RPRD1A: variants seen among roughly 807,000 people sequenced by gnomAD.
RPRD1A encodes regulation of nuclear pre-mRNA domain-containing protein 1A.
A neutral mutation model predicts 37.8 loss-of-function variants in RPRD1A; 9 were observed. That is an observed-to-expected ratio of 0.24 (90% confidence interval 0.14 to 0.42). The LOEUF (loss-of-function observed/expected upper bound fraction) is 0.42, where lower values mean the gene tolerates loss of function less well. Among genes scored for constraint, RPRD1A ranks in the 10% least tolerant of loss-of-function variants. RPRD1A has a pLI of 1.00. For synonymous variants in RPRD1A, 138 were observed against 139.7 expected, an observed-to-expected ratio of 0.99 and a Z score of 0.08; for missense variants, 255 against 371.0, an observed-to-expected ratio of 0.69 and a Z score of 2.57.
intron 1 of RPRD1A, among the ~76,000 whole-genome samples, chr18:36,056,265 A>G (rs1332200258): frequency 2.6e-5 from 4 of 151,936 alleles, no homozygotes; most frequent in African/African-American, 9.7e-5. Context: ...AACCCATATA[A>G]CATTCTTTAC....
At chr18:36,052,346 T>C (rs146122685) in intron 1 of RPRD1A, among the ~76,000 whole-genome samples, 1 of 151,988 alleles carries the variant, frequency 6.6e-6, no homozygotes, top group East Asian at 1.9e-4. Flanking sequence ...AGATAGTAAC[T>C]AGAAGCCATA....
At chr18:36,031,625 A>T (rs1911796508) in intron 2 of RPRD1A, among the ~76,000 whole-genome samples, 1 of 152,160 alleles carries the variant, frequency 6.6e-6, no homozygotes, top group Non-Finnish European at 1.5e-5. Context: ...AAGACTAGAC[A>T]TATGGGGAAA....
At chr18:36,024,313 ATTTTTTT>A (rs781696260) in intron 6 of RPRD1A, among the ~76,000 whole-genome samples, 2 of 126,566 alleles carry the variant, frequency 1.6e-5, no homozygotes, top group South Asian at 2.6e-4. Context: ...CACCTGGTTA[ATTTTTTT>A]TTTTTTTTTT....
chr18:36,037,463 C>G (rs1799633563), intron 1 of RPRD1A, among the ~76,000 whole-genome samples: 1 of 152,178 alleles, frequency 6.6e-6, no homozygotes, highest in African/African-American at 2.4e-5. Context: ...CTCCCCAGCC[C>G]TGAAGAACTG....
chr18:36,007,175 T>C (rs748055813), intron 6 of RPRD1A, among the ~76,000 whole-genome samples: 8 of 152,226 alleles, frequency 5.3e-5, no homozygotes, highest in Non-Finnish European at 1.0e-4. Flanking sequence ...GATCTCCAAC[T>C]TTCACACAAA....
chr18:36,059,133 A>G (rs1410170556), intron 1 of RPRD1A, among the ~76,000 whole-genome samples: 1 of 152,174 alleles, frequency 6.6e-6, no homozygotes, highest in Non-Finnish European at 1.5e-5. Context: ...TACAATTACA[A>G]TGTGTCCATT....
intron 4 of RPRD1A, among the ~76,000 whole-genome samples, chr18:36,028,830 T>C (rs906482946): frequency 3.3e-5 from 5 of 152,130 alleles, no homozygotes; most frequent in African/African-American, 1.2e-4. Flanking sequence ...AAAACGATCA[T>C]TATAAAACAA....
chr18:36,027,193 T>G lies in RPRD1A; in HGVS notation c.604A>C (p.Lys202Gln). 1 of 1,613,844 alleles carries G rather than the reference T, an allele frequency of 6.2e-7. No homozygotes were observed. Among genetic ancestry groups the G allele is most frequent in the Non-Finnish European group, 8.5e-7 (1 of 1,179,788 alleles). Reference protein sequence around the residue: ...VEVQEVSLLDKITDKESGERL... With the variant: ...VEVQEVSLLDQITDKESGERL... Reference sequence around the variant, plus strand: ...CATTTTCTTTTCTTACCTGTTATTTTATCTAATAGAGATACTTCTTGGACT... The same window carrying G: ...CATTTTCTTTTCTTACCTGTTATTTGATCTAATAGAGATACTTCTTGGACT... Residue 202 changes from lysine to glutamine, a missense_variant, in exon 5 of 7, where the codon AAA becomes CAA. Transcript: ENST00000399022.
Position 36,031,175 on chromosome 18 carries a change from C to T in RPRD1A, c.282-78G>A, listed in dbSNP as rs1004519009. 3.6e-6 allele frequency: 5 copies of T among 1,404,190 alleles called. No individual in the cohort carries two copies. The African/African-American group carries it at 7.3e-5, about 21-fold the overall frequency. The allele number at this position is 1,404,190 out of a possible 1,614,324, so 87.0% of individuals were successfully genotyped here. A position where few individuals can be genotyped will look rare whatever the true frequency, so the allele number is the denominator to read the frequency against. ...GTGTTATTGAAAAGGTTAACGGTAACTTTAAATATAATCAGACATTCATTC... is the reference window on the plus strand; with the variant it reads ...GTGTTATTGAAAAGGTTAACGGTAATTTTAAATATAATCAGACATTCATTC... On this transcript the variant is annotated intron_variant, in intron 2 of 6. Coordinates refer to ENST00000399022, the MANE Select transcript of RPRD1A (RefSeq NM_018170.5).
chr18:36,027,432 G>A (rs1363660569), intron 4 of RPRD1A, 122 bp from the exon 5 acceptor site: 2 of 990,544 alleles, frequency 2.0e-6, no homozygotes. Flanking sequence ...AATATAAACT[G>A]CTTTTGAAGA....
At chr18:36,054,827 T>G (rs752459001) in intron 1 of RPRD1A, among the ~76,000 whole-genome samples, 5 of 151,404 alleles carry the variant, frequency 3.3e-5, no homozygotes, top group Non-Finnish European at 7.4e-5. Flanking sequence ...AGCCAATACT[T>G]CAGTTTGAGT....
chr18:36,056,299 T>C (rs1303702678), intron 1 of RPRD1A, among the ~76,000 whole-genome samples: 1 of 152,024 alleles, frequency 6.6e-6, no homozygotes, highest in Non-Finnish European at 1.5e-5. Context: ...TTTGTGTTTT[T>C]TTTTTGAGAT....
intron 6 of RPRD1A, among the ~76,000 whole-genome samples, chr18:36,010,576 T>A (rs1168321450): frequency 3.3e-5 from 5 of 152,196 alleles, no homozygotes; most frequent in African/African-American, 1.2e-4. Context: ...ATCAATGTCT[T>A]TTGTTTTCTC....
In RPRD1A at chr18:36,031,101, A is replaced by C. The variant is rs772785731; in HGVS notation, c.282-4T>G. ...CTTACAACTTTCATCAGTTTCACTA[A>C]AAAAAAAAAAAAAGAAAAAAAGAAA... is the stretch of plus-strand genomic sequence containing the variant. On this transcript the variant is annotated splice_region_variant and splice_polypyrimidine_tract_variant and intron_variant, in intron 2 of 6. Transcript: ENST00000399022. The C allele has an allele frequency of 4.0e-6, 2 of 496,102 alleles. No homozygotes were observed. Among genetic ancestry groups the C allele is most frequent in the South Asian group, 8.5e-5 (2 of 23,554 alleles). 30.7% of individuals were successfully genotyped at this position (496,102 alleles called of 1,614,324 possible).
chr18:36,053,001 G>A (rs1047354489), intron 1 of RPRD1A: 1 of 152,178 alleles, frequency 6.6e-6, no homozygotes, highest in African/African-American at 2.4e-5. Flanking sequence ...CAGAACTAGG[G>A]ATGATTGGTG....
chr18:36,031,163 G>A (rs1911759911), intron 2 of RPRD1A, 66 bp from the exon 3 acceptor site: 1 of 1,427,892 alleles, frequency 7.0e-7, no homozygotes, highest in Non-Finnish European at 9.2e-7. Context: ...TTATTGAAAA[G>A]GTTAACGGTA....
rs77970175 is a variant in RPRD1A at position 36,017,318 on chromosome 18, A to G, written c.789+9582T>C. On this transcript the variant is annotated intron_variant, in intron 6 of 6. Coordinates refer to ENST00000399022, the MANE Select transcript of RPRD1A (RefSeq NM_018170.5). The stretch of plus-strand genomic sequence containing the variant: ...CTTGTCTCAAAACACACACACACAC[A>G]CTTCACTGCTACCACCCACTGTAGT... Among the ~76,000 whole-genome samples the G allele has an allele frequency of 8.5e-3, 1,294 of 152,134 alleles. 22 individuals carry two copies. The highest frequency in any genetic ancestry group is 0.029 in the African/African-American group (1,222 of 41,492).
chr18:36,018,563 G>A (rs765591155), intron 6 of RPRD1A, among the ~76,000 whole-genome samples: 4 of 152,080 alleles, frequency 2.6e-5, no homozygotes, highest in Admixed American at 6.5e-5. Context: ...GTGAGCCACC[G>A]CTCCCAGCCC....
At chr18:36,009,854 G>C (rs1910059845) in intron 6 of RPRD1A, among the ~76,000 whole-genome samples, 1 of 152,082 alleles carries the variant, frequency 6.6e-6, no homozygotes, top group Non-Finnish European at 1.5e-5. Context: ...AGCACATGTG[G>C]CTGGTGGCTG....
Sources: allele counts gnomAD v4.1 joint callset (sites outside exome capture counted in the v4.1 genomes callset), GRCh38; gene constraint gnomAD v4.1.1; transcripts MANE v1.5; gene names NCBI Gene and HGNC (gene_info 2026-07-23, HGNC 2026-07-21).